AFF1: variants seen among roughly 807,000 people sequenced by gnomAD.
AFF1 encodes ALF transcription elongation factor 1, also known as AF4/FMR2 family member 1.
In AFF1, 48 loss-of-function variants were observed where a neutral mutation model predicts 121.7. The ratio of observed to expected loss-of-function variants is 0.39; its 90% CI spans 0.31 to 0.50. AFF1 has a LOEUF of 0.50. Ranked by LOEUF, AFF1 falls within the 20% of genes least tolerant of loss-of-function variation. AFF1 has a pLI of 0.76. For synonymous variants in AFF1, 613 were observed against 563.0 expected (o/e 1.09, Z -1.26); for missense variants, 1,523 against 1,511.7 (o/e 1.01, Z -0.12).
intron 2 of AFF1, among the ~76,000 whole-genome samples, chr4:87,028,866 T>C (rs1197087364): frequency 2.0e-5 from 3 of 152,228 alleles, no homozygotes; most frequent in Admixed American, 6.5e-5. Context: ...TCCAGTGTTA[T>C]GCTTTTGAAG....
At chr4:87,038,113 A>C (rs986796422) in intron 2 of AFF1, among the ~76,000 whole-genome samples, 4 of 152,206 alleles carry the variant, frequency 2.6e-5, no homozygotes, top group Non-Finnish European at 4.4e-5. Flanking sequence ...CTGTTTTGTC[A>C]TTGTAGTTGG....
chr4:87,084,256 T>A, intron 5 of AFF1, 92 bp downstream of exon 5: 1 of 1,392,452 alleles, frequency 7.2e-7, no homozygotes, highest in Non-Finnish European at 1.0e-6. Context: ...CAGTTGCCAT[T>A]GGCTGGGTGC....
chr4:87,082,867 A>G (rs931493734), intron 4 of AFF1, among the ~76,000 whole-genome samples: 2 of 152,340 alleles, frequency 1.3e-5, no homozygotes, highest in Admixed American at 6.5e-5. Flanking sequence ...CAAATTAGCA[A>G]CCAGTTCTAT....
chr4:86,995,581 C>CG (rs1187502498), intron 2 of AFF1, among the ~76,000 whole-genome samples: 1 of 151,978 alleles, frequency 6.6e-6, no homozygotes, highest in Non-Finnish European at 1.5e-5. Context: ...CCCGAGGTGC[C>CG]GGGATTGCAG....
intron 2 of AFF1, among the ~76,000 whole-genome samples, chr4:87,024,241 G>A (rs1483226381): frequency 6.6e-6 from 1 of 152,162 alleles, no homozygotes; most frequent in Non-Finnish European, 1.5e-5. Context: ...AGTGACCCAT[G>A]ATTTACTGGT....
intron 1 of AFF1, among the ~76,000 whole-genome samples, chr4:86,945,057 C>T (rs1488150507): frequency 6.6e-6 from 1 of 152,198 alleles, no homozygotes; most frequent in Non-Finnish European, 1.5e-5. Context: ...AAGTTTGCAT[C>T]ATTCACATAA....
intron 12 of AFF1, among the ~76,000 whole-genome samples, chr4:87,124,454 A>G (rs1728020639): frequency 1.3e-5 from 2 of 152,186 alleles, no homozygotes; most frequent in Admixed American, 6.5e-5. Context: ...AATTGTTTCT[A>G]TTGTTGTTAT....
At chr4:87,013,335 C>A (rs1006192283) in intron 2 of AFF1, among the ~76,000 whole-genome samples, 1 of 151,934 alleles carries the variant, frequency 6.6e-6, no homozygotes, top group Non-Finnish European at 1.5e-5. Context: ...CCACCCTGTC[C>A]GGCTGAACTG....
intron 8 of AFF1, among the ~76,000 whole-genome samples, chr4:87,096,264 G>T (rs1724838408): frequency 7.0e-6 from 1 of 143,312 alleles, no homozygotes; most frequent in Admixed American, 7.0e-5. Flanking sequence ...AATGCCTTTT[G>T]CTGGGAAAGT....
At chr4:87,007,285 G>C (rs575739188) in intron 2 of AFF1, 9 of 1,561,188 alleles carry the variant, frequency 5.8e-6, no homozygotes, top group Non-Finnish European at 7.8e-6. Context: ...CCGTAACATC[G>C]GGGCGCCGCG....
chr4:86,954,402 A>G (rs1721592333), intron 2 of AFF1, among the ~76,000 whole-genome samples: 2 of 152,206 alleles, frequency 1.3e-5, no homozygotes, highest in Non-Finnish European at 2.9e-5. Context: ...TTCTTACAAT[A>G]AAGTAAGCTA....
chr4:87,131,077 C>T lies in AFF1; in HGVS notation c.2965-6C>T, dbSNP rs1728783298. 1.2e-6 allele frequency: 2 copies of T among 1,613,830 alleles called. No individual in the cohort carries two copies. The highest frequency in any genetic ancestry group is 1.7e-6 in the Non-Finnish European group (2 of 1,179,890). ...GCCTAACAATGACCATGTTCTTCTC[C>T]TGCAGACGGACAGGGTTGGAAAGGC... On this transcript the variant is annotated splice_region_variant and splice_polypyrimidine_tract_variant and intron_variant, in intron 16 of 20. Coordinates refer to ENST00000395146, the MANE Select transcript of AFF1 (RefSeq NM_001166693.3).
chr4:87,006,841 C>CCCTACCCGACCCTGCCT lies in AFF1; in HGVS notation c.39-39324_39-39308dup, dbSNP rs1393335372. 9.8e-6 allele frequency: 5 copies of CCCTACCCGACCCTGCCT among 510,702 alleles called. No individual in the cohort carries two copies. In the East Asian group the frequency reaches 3.8e-4, roughly 38 times the overall value. 31.6% of individuals were successfully genotyped at this position (510,702 alleles called of 1,614,324 possible). On this transcript the variant is annotated intron_variant, in intron 2 of 20. Transcript: ENST00000395146. ...GGCTTGTCGGCGCCCAGGCTCTGCCCCCTACCCGACCCTGCCTGCCGCTTG... is the reference window on the plus strand; with the variant it reads ...GGCTTGTCGGCGCCCAGGCTCTGCCCCCTACCCGACCCTGCCTCCTACCCGACCCTGCCTGCCGCTTG...
chr4:87,115,228 C>T lies in AFF1; in HGVS notation c.2395C>T (p.Pro799Ser), dbSNP rs773654114. Residue 799 changes from proline (P) to serine (S), a missense_variant, in exon 12 of 21, where the codon CCC becomes TCC. By Grantham distance (74) the Pro-to-Ser change is moderately conservative (BLOSUM62 -1). Coordinates refer to ENST00000395146, the MANE Select transcript of AFF1 (RefSeq NM_001166693.3). Reference sequence around the variant, plus strand: ...GAGGAAAGCAGAAGATAAACAGCCGCCCGCAGGGAAGAAGCACAGCTCTGA... The same window carrying T: ...GAGGAAAGCAGAAGATAAACAGCCGTCCGCAGGGAAGAAGCACAGCTCTGA... ...RQRKAEDKQP[P>S]AGKKHSSEKR... 35 of 1,614,036 alleles carry T rather than the reference C, an allele frequency of 2.2e-5. No homozygotes were observed. Among genetic ancestry groups the T allele is most frequent in the Non-Finnish European group, 2.7e-5 (32 of 1,180,034 alleles).
At chr4:87,034,476 T>C (rs1469897061) in intron 2 of AFF1, among the ~76,000 whole-genome samples, 1 of 152,238 alleles carries the variant, frequency 6.6e-6, no homozygotes, top group African/African-American at 2.4e-5. Context: ...TATAGCAGCA[T>C]GGAGAGATTT....
intron 12 of AFF1, among the ~76,000 whole-genome samples, chr4:87,121,940 G>C (rs1727735487): frequency 6.6e-6 from 1 of 152,174 alleles, no homozygotes; most frequent in African/African-American, 2.4e-5. Flanking sequence ...GTCACAACCA[G>C]CATGTCCTAA....
chr4:87,100,827 T>G (rs1725359883), intron 8 of AFF1, among the ~76,000 whole-genome samples: 1 of 152,242 alleles, frequency 6.6e-6, no homozygotes, highest in Non-Finnish European at 1.5e-5. Context: ...CTTGTCATAC[T>G]TACTGATTTA....
At chr4:87,007,471 G>A (rs965338651) in intron 2 of AFF1, 2 of 1,613,314 alleles carry the variant, frequency 1.2e-6, no homozygotes, top group Admixed American at 1.7e-5. Context: ...CGTGGCGAGG[G>A]GAGCTGAAGG....
chr4:87,075,670 C>T (rs1489222926), intron 4 of AFF1, among the ~76,000 whole-genome samples: 2 of 152,188 alleles, frequency 1.3e-5, no homozygotes, highest in African/African-American at 4.8e-5. Flanking sequence ...GGCAACTACT[C>T]TTATAGGTGA....
Sources: gnomAD v4.1 joint callset for allele counts (sites outside exome capture counted in the v4.1 genomes callset) on GRCh38, gnomAD v4.1.1 for gene constraint, MANE v1.5 for transcripts, NCBI Gene and HGNC (gene_info 2026-07-23, HGNC 2026-07-21) for gene names.